Variants in KANK1 observed in about 807,000 individuals in gnomAD.
The protein encoded by KANK1 is KN motif and ankyrin repeat domains 1.
A neutral mutation model predicts 106.2 loss-of-function variants in KANK1; 109 were observed. That is an observed-to-expected ratio of 1.03 (90% CI 0.88 to 1.20). The LOEUF (loss-of-function observed/expected upper bound fraction) is 1.20. Among genes scored for constraint, KANK1 ranks in the 50% most tolerant of loss-of-function variants. KANK1 has a pLI of 0.00. For synonymous variants in KANK1, 873 were observed against 652.2 expected (o/e 1.34, Z -5.16); for missense variants, 2,399 against 1,710.7 (o/e 1.40, Z -7.10).
At position 713,588 on chromosome 9, in the gene KANK1, T is replaced by G. The variant is rs1460996468; in HGVS notation, c.2698+124T>G. On this transcript the variant is annotated intron_variant, in intron 3 of 11. Coordinates refer to ENST00000382297, the MANE Select transcript of KANK1 (RefSeq NM_015158.5). Reference sequence around the variant, plus strand: ...AGGAGAAATGGAGAAAGTTTTAGAGTGGTAATCTGTAGAATGAAAACTAAG... The same window carrying G: ...AGGAGAAATGGAGAAAGTTTTAGAGGGGTAATCTGTAGAATGAAAACTAAG... 11 of 1,022,936 alleles carry G rather than the reference T, an allele frequency of 1.1e-5. No homozygotes were observed. In the East Asian group the frequency reaches 2.8e-4, roughly 26 times the overall value. 63.4% of individuals were successfully genotyped at this position (1,022,936 alleles called of 1,614,324 possible). A position where few individuals can be genotyped will look rare whatever the true frequency, so the allele number is the denominator to read the frequency against.
chr9:537,171 C>CT (rs1186059035), intron 1 of KANK1, among the ~76,000 whole-genome samples: 1 of 152,208 alleles, frequency 6.6e-6, no homozygotes, highest in East Asian at 1.9e-4. Context: ...CTAAACAACT[C>CT]TTTTTCCTTT....
At chr9:696,141 G>T (rs944186490) in intron 2 of KANK1, among the ~76,000 whole-genome samples, 1 of 152,064 alleles carries the variant, frequency 6.6e-6, no homozygotes, top group Non-Finnish European at 1.5e-5. Flanking sequence ...AAAATTAGCC[G>T]GGCGTGGTGG....
chr9:593,362 T>A (rs1197876484), intron 1 of KANK1, among the ~76,000 whole-genome samples: 2 of 151,794 alleles, frequency 1.3e-5, no homozygotes. Flanking sequence ...CACTTTTTGA[T>A]CCTATTCCTA....
intron 1 of KANK1, among the ~76,000 whole-genome samples, chr9:529,236 CACACACACACACACACACATAT>C (rs1328454616): frequency 1.4e-5 from 2 of 140,306 alleles, no homozygotes; most frequent in Non-Finnish European, 3.2e-5. Context: ...TATATATATA[CACACACACACACACACACATAT>C]ACACACACAC....
At chr9:663,678 G>T (rs1243163392) in intron 1 of KANK1, among the ~76,000 whole-genome samples, 1 of 152,112 alleles carries the variant, frequency 6.6e-6, no homozygotes, top group Non-Finnish European at 1.5e-5. Context: ...AAGAAACTCT[G>T]GAAGTGTCAG....
At position 730,125 on chromosome 9, in the gene KANK1, C is replaced by T; in HGVS notation, c.2773C>T (p.Pro925Ser). ...GSPLSSQTSQ[P>S]EQEVGTSEGK... ...TCCCTTAAGCTCCCAGACATCCCAGCCTGAGCAAGAAGTGGGGACCTCAGA... is the reference window on the plus strand; with the variant it reads ...TCCCTTAAGCTCCCAGACATCCCAGTCTGAGCAAGAAGTGGGGACCTCAGA... The change falls in exon 4 of 12, where the codon CCT (proline) becomes TCT (serine). Residue 925 changes from proline (P) to serine (S), a missense_variant. Physicochemically the swap from Pro to Ser is moderately conservative, Grantham distance 74. Transcript: ENST00000382297. The T allele has an allele frequency of 1.9e-6, 3 of 1,614,154 alleles. No individual in the cohort carries two copies. Among genetic ancestry groups the T allele is most frequent in the Non-Finnish European group, 2.5e-6 (3 of 1,180,020 alleles).
At chr9:620,740 CAAAAACCAATTTT>C (rs1401730902) in intron 1 of KANK1, among the ~76,000 whole-genome samples, 2 of 151,978 alleles carry the variant, frequency 1.3e-5, no homozygotes, top group African/African-American at 2.4e-5. Flanking sequence ...TTTAAATTTT[CAAAAACCAATTTT>C]AAAAACCAAT....
At position 598,620 on chromosome 9, in the gene KANK1, C is replaced by CTTTTTTTTTTTTTTTTTTTTTTTTTTTTT. The variant is rs3028166; in HGVS notation, c.-83-78268_-83-78240dup. On this transcript the variant is annotated intron_variant, in intron 1 of 11. Coordinates refer to ENST00000382297, the MANE Select transcript of KANK1 (RefSeq NM_015158.5). ...TTTTTTGTTTTGTTTTGTTGGTTTT[C>CTTTTTTTTTTTTTTTTTTTTTTTTTTTTT]TTTTTTTTTTTTTTTTTTTTTTTTT... Among the ~76,000 whole-genome samples, 8 of 46,680 alleles carry CTTTTTTTTTTTTTTTTTTTTTTTTTTTTT rather than the reference C, an allele frequency of 1.7e-4. 2 individuals carry two copies. Among genetic ancestry groups the CTTTTTTTTTTTTTTTTTTTTTTTTTTTTT allele is most frequent in the South Asian group, 1.3e-3 (1 of 790 alleles). 30.6% of individuals were successfully genotyped at this position (46,680 alleles called of 152,430 possible).
At chr9:742,070 C>T in intron 9 of KANK1, 135 bp from the exon 10 acceptor site, 1 of 745,974 alleles carries the variant, frequency 1.3e-6, no homozygotes, top group Non-Finnish European at 2.3e-6. Context: ...CCACCACCTG[C>T]CCCAAGTAGT....
intron 1 of KANK1, among the ~76,000 whole-genome samples, chr9:646,999 T>G (rs1839818208): frequency 6.6e-6 from 1 of 151,010 alleles, no homozygotes. Context: ...TGCACACCCC[T>G]TAAACATCAT....
intron 1 of KANK1, among the ~76,000 whole-genome samples, chr9:606,558 G>GA (rs1193158225): frequency 7.6e-6 from 1 of 130,960 alleles, no homozygotes; most frequent in Admixed American, 7.3e-5. Flanking sequence ...CTCTGTCTCA[G>GA]AAAAAAAATA....
At chr9:559,787 T>A (rs967328073) in intron 1 of KANK1, among the ~76,000 whole-genome samples, 4 of 152,206 alleles carry the variant, frequency 2.6e-5, no homozygotes, top group African/African-American at 7.2e-5. Context: ...ATTTGAGTTT[T>A]CTCGGATTAA....
intron 1 of KANK1, among the ~76,000 whole-genome samples, chr9:620,246 T>C (rs1408146179): frequency 6.6e-6 from 1 of 152,146 alleles, no homozygotes; most frequent in African/African-American, 2.4e-5. Context: ...GTACCCTCTA[T>C]TACTCAGTGT....
intron 3 of KANK1, among the ~76,000 whole-genome samples, chr9:474,806 C>A (rs899672561): frequency 3.3e-5 from 5 of 152,200 alleles, no homozygotes; most frequent in Non-Finnish European, 4.4e-5. Context: ...TGGAGCACCA[C>A]AAGCTGTCTA....
In KANK1 at chr9:730,106, A is replaced by T; in HGVS notation, c.2754A>T (p.Leu918Phe). The T allele has an allele frequency of 6.2e-7, 1 of 1,614,192 alleles. No homozygotes were observed. Among genetic ancestry groups the T allele is most frequent in the Non-Finnish European group, 8.5e-7 (1 of 1,180,024 alleles). ...KCGGLQSGSP[L>F]SSQTSQPEQE... is the part of the protein sequence containing the mutation. ...GGGGCCTTCAGTCAGGAAGTCCCTT[A>T]AGCTCCCAGACATCCCAGCCTGAGC... is the stretch of plus-strand genomic sequence containing the variant. The change falls in exon 4 of 12, where the codon TTA becomes TTT. Residue 918 changes from leucine (L) to phenylalanine (F), a missense_variant. Physicochemically the swap from Leu to Phe is conservative, Grantham distance 22. Coordinates refer to ENST00000382297, the MANE Select transcript of KANK1 (RefSeq NM_015158.5).
chr9:743,414 G>A (rs986029288), intron 10 of KANK1, among the ~76,000 whole-genome samples: 4 of 152,186 alleles, frequency 2.6e-5, no homozygotes, highest in African/African-American at 4.8e-5. Context: ...GCTTCTGACC[G>A]ACTTCTTTCT....
rs1289387518 is a variant in KANK1 at position 523,530 on chromosome 9, G to A, written c.-84+18776G>A. Among the ~76,000 whole-genome samples, 3 of 151,592 alleles carry A rather than the reference G, an allele frequency of 2.0e-5. No homozygotes were observed. In the South Asian group the frequency reaches 6.2e-4, roughly 32 times the overall value. ...TGCGTAGACTCTCTGTTGGCTCCTT[G>A]TTTCTATGGGAGGAAAAGTTTTTAC... On this transcript the variant is annotated intron_variant, in intron 1 of 11. Transcript: ENST00000382297.
intron 1 of KANK1, among the ~76,000 whole-genome samples, chr9:505,061 C>T (rs1289492377): frequency 6.6e-6 from 1 of 151,842 alleles, no homozygotes; most frequent in African/African-American, 2.4e-5. Context: ...AGAGGCGCGC[C>T]GGGCACGGAG....
In KANK1 at chr9:694,339, A is replaced by G. The variant is rs187433684; in HGVS notation, c.38-16465A>G. ...ACAGAATTACTCTCTGAACTGGCAC[A>G]TTTCTTTTTTACGCTTAGAACAGCA... is the stretch of plus-strand genomic sequence containing the variant. On this transcript the variant is annotated intron_variant, in intron 2 of 11. Coordinates refer to ENST00000382297, the MANE Select transcript of KANK1 (RefSeq NM_015158.5). Among the ~76,000 whole-genome samples, 3 of 152,302 alleles carry G rather than the reference A, an allele frequency of 2.0e-5. No individual in the cohort carries two copies. The East Asian group carries it at 5.8e-4, about 29-fold the overall frequency.
Sources: gnomAD v4.1 joint callset for allele counts (sites outside exome capture counted in the v4.1 genomes callset) on GRCh38, gnomAD v4.1.1 for gene constraint, MANE v1.5 for transcripts, NCBI Gene and HGNC (gene_info 2026-07-23, HGNC 2026-07-21) for gene names.